The following MAU2 variants were observed in gnomAD, a reference collection of about 807,000 sequenced individuals.
MAU2 encodes MAU2 chromatid cohesion factor homolog.
MAU2 carries 9 observed loss-of-function variants against 89.1 expected under a neutral mutation model. The observed-to-expected ratio is 0.10, with a 90% CI of 0.06 to 0.18. The LOEUF (loss-of-function observed/expected upper bound fraction) is 0.18, where lower values mean the gene tolerates loss of function less well. MAU2 is among the 10% of genes least tolerant of loss of function. The pLI is 1.00. For missense variants in MAU2, 425 were observed against 803.5 expected (o/e 0.53, Z 5.69); for synonymous variants, 357 against 343.4 (o/e 1.04, Z -0.44).
In MAU2 at chr19:19,341,527, G is replaced by A. The variant is rs73922864; in HGVS notation, c.735+120G>A. ...CATCGCCTTACCTTGCCACACAACA[G>A]GGCTGTCATACCAGTCCCGGACACA... On this transcript the variant is annotated intron_variant, in intron 7 of 18. Coordinates refer to ENST00000262815, the MANE Select transcript of MAU2 (RefSeq NM_015329.4). The A allele has an allele frequency of 7.4e-3, 9,133 of 1,227,028 alleles. 526 individuals are homozygous for A. The African/African-American group carries it at 0.12, about 16-fold the overall frequency. 76.0% of individuals were successfully genotyped at this position (1,227,028 alleles called of 1,614,324 possible). A position where few individuals can be genotyped will look rare whatever the true frequency, so the allele number is the denominator to read the frequency against.
chr19:19,342,038 TGAAGCAC>T (rs2061652703), intron 7 of MAU2, among the ~76,000 whole-genome samples: 1 of 152,074 alleles, frequency 6.6e-6, no homozygotes, highest in Non-Finnish European at 1.5e-5. Flanking sequence ...GCCCATTGGG[TGAAGCAC>T]TGCACTCGGC....
chr19:19,355,461 C>T, intron 18 of MAU2, 70 bp downstream of exon 18: 2 of 1,585,528 alleles, frequency 1.3e-6, no homozygotes, highest in East Asian at 2.2e-5. Flanking sequence ...GAAGGGGCAC[C>T]TTGGCTGTAT....
intron 18 of MAU2, 149 bp downstream of exon 18, chr19:19,355,540 AC>A: frequency 7.8e-7 from 1 of 1,277,670 alleles, no homozygotes; most frequent in Non-Finnish European, 1.1e-6. Context: ...GGCCATGGGC[AC>A]CCCCACCCAA....
rs780458213 is a variant in MAU2, at chr19:19,342,543, C to T, written c.744C>T (p.Ser248=). The T allele has an allele frequency of 1.6e-5, 25 of 1,588,630 alleles. No homozygotes were observed. Among genetic ancestry groups the T allele is most frequent in the Admixed American group, 5.2e-5 (3 of 58,218 alleles). The stretch of plus-strand genomic sequence containing the variant: ...GTGTGGGTGCTGCACAGGTGAAGAG[C>T]GTGAAGCCGTGTCTGAAGCAGCTGC... ...THYLDAGQVK[S]VKPCLKQLQQ... Residue 248 remains serine (S), a synonymous_variant, in exon 8 of 19, where the codon AGC becomes AGT. Coordinates refer to ENST00000262815, the MANE Select transcript of MAU2 (RefSeq NM_015329.4).
chr19:19,346,030 C>G (rs574195705), intron 12 of MAU2, among the ~76,000 whole-genome samples: 1 of 152,262 alleles, frequency 6.6e-6, no homozygotes, highest in African/African-American at 2.4e-5. Context: ...GGAGCAGAGG[C>G]TGCTCTGTCT....
At chr19:19,335,555 G>C (rs1398546288) in intron 1 of MAU2, among the ~76,000 whole-genome samples, 163 bp from the exon 2 acceptor site, 1 of 152,194 alleles carries the variant, frequency 6.6e-6, no homozygotes, top group Non-Finnish European at 1.5e-5. Flanking sequence ...CTGGATTGGA[G>C]GGGAGTAAGC....
rs374776977 is a variant in MAU2, at chr19:19,342,770, C to T, written c.883-6C>T. The stretch of plus-strand genomic sequence containing the variant: ...GGTAACCCCTGCTGTCTGGTCTTGT[C>T]GCTAGGTGACTGTGATGCACTCCAT... On this transcript the variant is annotated splice_polypyrimidine_tract_variant and splice_region_variant and intron_variant, in intron 8 of 18. Transcript: ENST00000262815. The T allele has an allele frequency of 7.2e-5, 116 of 1,613,988 alleles. 1 individual carries two copies. Among genetic ancestry groups the T allele is most frequent in the South Asian group, 4.9e-4 (45 of 91,072 alleles).
At chr19:19,323,319 C>T (rs1382119295) in intron 1 of MAU2, among the ~76,000 whole-genome samples, 4 of 151,930 alleles carry the variant, frequency 2.6e-5, no homozygotes, top group African/African-American at 9.7e-5. Flanking sequence ...CTCAGCCTCC[C>T]GAGTAGCTGG....
Position 19,355,842 on chromosome 19 carries a change from G to A in MAU2, c.*60G>A, listed in dbSNP as rs752650900. 19 of 1,487,976 alleles carry A rather than the reference G, an allele frequency of 1.3e-5. No homozygotes were observed. The African/African-American group carries it at 2.1e-4, about 16-fold the overall frequency. 92.2% of individuals were successfully genotyped at this position (1,487,976 alleles called of 1,614,324 possible). ...GCGCGTCTCCGGCTTCCACCCAGACGGCACTCAAGCCTGCCCCCGAGGCGT... is the reference window on the plus strand; with the variant it reads ...GCGCGTCTCCGGCTTCCACCCAGACAGCACTCAAGCCTGCCCCCGAGGCGT... On this transcript the variant is annotated 3_prime_UTR_variant, in exon 19 of 19. Transcript: ENST00000262815.
intron 18 of MAU2, 59 bp downstream of exon 18, chr19:19,355,450 G>A: frequency 6.3e-7 from 1 of 1,598,472 alleles, no homozygotes; most frequent in East Asian, 2.2e-5. Context: ...ACCTGCAAGA[G>A]GAAGGGGCAC....
Position 19,347,223 on chromosome 19 carries a change from GC to G in MAU2, c.1222-55del, listed in dbSNP as rs1160401624. 11 of 1,069,280 alleles carry G rather than the reference GC, an allele frequency of 1.0e-5. No individual in the cohort carries two copies. The East Asian group carries it at 2.6e-4, about 25-fold the overall frequency. The allele number at this position is 1,069,280 out of a possible 1,614,324, so 66.2% of individuals were successfully genotyped here. A position where few individuals can be genotyped will look rare whatever the true frequency, so the allele number is the denominator to read the frequency against. On this transcript the variant is annotated intron_variant, in intron 12 of 18. Transcript: ENST00000262815. ...TGGAGATTGTGGGTGCTCTGACACT[GC>G]CACATGGGTCACAGCACCCGACCCA...
At position 19,356,096 on chromosome 19, in the gene MAU2, G is replaced by A; in HGVS notation, c.*314G>A. 1.9e-6 allele frequency: 1 copy of A among 538,210 alleles called. No individual in the cohort carries two copies. Among genetic ancestry groups the A allele is most frequent in the Non-Finnish European group, 3.6e-6 (1 of 279,250 alleles). The allele number at this position is 538,210 out of a possible 1,614,324, so 33.3% of individuals were successfully genotyped here. A position where few individuals can be genotyped will look rare whatever the true frequency, so the allele number is the denominator to read the frequency against. On this transcript the variant is annotated 3_prime_UTR_variant, in exon 19 of 19. Coordinates refer to ENST00000262815, the MANE Select transcript of MAU2 (RefSeq NM_015329.4). ...CACGTCGGCCAGGAGTAGGGTGCAG[G>A]CCTCCAGCAGGTCCTAATCCTGTGT... is the stretch of plus-strand genomic sequence containing the variant.
chr19:19,345,234 A>C lies in MAU2; in HGVS notation c.1156-70A>C. On this transcript the variant is annotated intron_variant, in intron 11 of 18. Coordinates refer to ENST00000262815, the MANE Select transcript of MAU2 (RefSeq NM_015329.4). The surrounding 1 kb of genome is among the most constrained non-coding windows in gnomAD (Gnocchi z 4.9). ...CAGGGCAGCCGTGCAGGCCCCGGGC[A>C]CACCACGTGTCTCTGATCTGAGCCC... 1.5e-5 allele frequency: 21 copies of C among 1,395,724 alleles called. No homozygotes were observed. Among genetic ancestry groups the C allele is most frequent in the Non-Finnish European group, 1.7e-5 (17 of 983,488 alleles). 86.5% of individuals were successfully genotyped at this position (1,395,724 alleles called of 1,614,324 possible). A position where few individuals can be genotyped will look rare whatever the true frequency, so the allele number is the denominator to read the frequency against.
At chr19:19,350,707 T>C (rs551741052) in intron 16 of MAU2, among the ~76,000 whole-genome samples, 2 of 151,496 alleles carry the variant, frequency 1.3e-5, no homozygotes, top group Admixed American at 6.6e-5. Flanking sequence ...GAGACCATCC[T>C]GGCTAACACG....
In MAU2 at chr19:19,343,895, C is replaced by T; in HGVS notation, c.1032C>T (p.Ile344=). 6.2e-7 allele frequency: 1 copy of T among 1,613,570 alleles called. No individual in the cohort carries two copies. The highest frequency in any genetic ancestry group is 8.5e-7 in the Non-Finnish European group (1 of 1,180,018). ...SFQVILLEHI[I]MCRLVTGHKA... is the part of the protein sequence containing the mutation. ...AAGTGATCCTGCTGGAGCACATCAT[C>T]ATGTGCCGCCTTGTCACGGGTCACA... Residue 344 remains isoleucine, a synonymous_variant, in exon 10 of 19, where the codon ATC becomes ATT. Coordinates refer to ENST00000262815, the MANE Select transcript of MAU2 (RefSeq NM_015329.4).
rs1208906977 is a variant in MAU2 at position 19,341,255 on chromosome 19, C to T, written c.583C>T (p.Leu195=). ...ALFLLSKGML[L]LMERKLQEVH... is the part of the protein sequence containing the mutation. The stretch of plus-strand genomic sequence containing the variant: ...ACCTGCGCCTCTCCCTCCCCAGCTG[C>T]TGCTGATGGAGCGAAAGCTGCAGGA... The change falls in exon 7 of 19, where the codon CTG becomes TTG. Residue 195 remains leucine (L), a synonymous_variant. Transcript: ENST00000262815. 6.2e-7 allele frequency: 1 copy of T among 1,611,046 alleles called. No individual in the cohort carries two copies. The highest frequency in any genetic ancestry group is 1.3e-5 in the African/African-American group (1 of 75,004).
intron 16 of MAU2, chr19:19,352,796 C>G (rs930207506): frequency 3.9e-5 from 6 of 152,274 alleles, no homozygotes; most frequent in African/African-American, 9.7e-5. Context: ...TTGGGAATCC[C>G]CCTCTGCTCC....
intron 1 of MAU2, 50 bp downstream of exon 1, chr19:19,321,185 T>C (rs766974953): frequency 6.6e-7 from 1 of 1,512,494 alleles, no homozygotes; most frequent in Non-Finnish European, 8.8e-7. Context: ...CCTTGCAAGA[T>C]CTGGGCTGAC....
chr19:19,344,725 T>C lies in MAU2; in HGVS notation c.1078-124T>C. 8.2e-6 allele frequency: 6 copies of C among 728,016 alleles called. No individual in the cohort carries two copies. The South Asian group carries it at 9.4e-5, about 11-fold the overall frequency. The allele number at this position is 728,016 out of a possible 1,614,324, so 45.1% of individuals were successfully genotyped here. A position where few individuals can be genotyped will look rare whatever the true frequency, so the allele number is the denominator to read the frequency against. ...CATGGTGGACGTGTCTGCTGGGGCT[T>C]TGTACCCCAGTTTGGTCAGACAGGA... is the stretch of plus-strand genomic sequence containing the variant. On this transcript the variant is annotated intron_variant, in intron 10 of 18. Transcript: ENST00000262815.
Sources: gnomAD v4.1 joint callset for allele counts (sites outside exome capture counted in the v4.1 genomes callset) on GRCh38, gnomAD v4.1.1 for gene constraint, Gnocchi (gnomAD v3.1) non-coding constraint, MANE v1.5 for transcripts, NCBI Gene and HGNC (gene_info 2026-07-23, HGNC 2026-07-21) for gene names.